ATRNL1: variants seen among roughly 807,000 people sequenced by gnomAD.
The protein encoded by ATRNL1 is attractin-like protein 1.
A neutral mutation model predicts 182.7 loss-of-function variants in ATRNL1; 95 were observed. The observed-to-expected ratio is 0.52, with a 90% CI of 0.44 to 0.62. The LOEUF (loss-of-function observed/expected upper bound fraction) is 0.62, where lower values mean the gene tolerates loss of function less well. Among genes scored for constraint, ATRNL1 ranks in the 20% least tolerant of loss-of-function variants. The pLI is 0.00. For missense variants in ATRNL1, 1,471 were observed against 1,679.5 expected (o/e 0.88, Z 2.17); for synonymous variants, 576 against 568.3 (o/e 1.01, Z -0.19).
At chr10:115,157,689 G>A (rs544202545) in intron 5 of ATRNL1, among the ~76,000 whole-genome samples, 2 of 152,036 alleles carry the variant, frequency 1.3e-5, no homozygotes, top group Non-Finnish European at 2.9e-5. Flanking sequence ...AGCCAATTTA[G>A]ATAATTCACG....
At chr10:115,861,078 G>A (rs1951304936) in intron 28 of ATRNL1, among the ~76,000 whole-genome samples, 1 of 151,914 alleles carries the variant, frequency 6.6e-6, no homozygotes, top group African/African-American at 2.4e-5. Flanking sequence ...GTTTGTTCTG[G>A]TACCCTCTGC....
rs1208582299 is a variant in ATRNL1, at chr10:115,709,390, G to A, written c.3796-17858G>A. On this transcript the variant is annotated intron_variant, in intron 26 of 28. Transcript: ENST00000355044. The stretch of plus-strand genomic sequence containing the variant: ...ATATAGTGAACAAAATATATATTGG[G>A]TGAGCAAAGTTTATGTCAAGTAAAT... 3.9e-5 allele frequency among the ~76,000 whole-genome samples: 6 copies of A among 151,998 alleles called. No homozygotes were observed. The South Asian group carries it at 6.2e-4, about 16-fold the overall frequency.
intron 19 of ATRNL1, among the ~76,000 whole-genome samples, chr10:115,380,527 G>C (rs564208213): frequency 1.3e-5 from 2 of 151,642 alleles, no homozygotes; most frequent in Admixed American, 6.6e-5. Flanking sequence ...TTCCTCCCTT[G>C]TCCCCCAGCC....
intron 8 of ATRNL1, among the ~76,000 whole-genome samples, chr10:115,202,976 G>C (rs550977681): frequency 4.6e-5 from 7 of 151,568 alleles, no homozygotes; most frequent in East Asian, 3.9e-4. Context: ...TGTATGTGTC[G>C]AGGAATTTAT....
At chr10:115,456,672 A>G (rs1565063862) in intron 21 of ATRNL1, among the ~76,000 whole-genome samples, 1 of 152,094 alleles carries the variant, frequency 6.6e-6, no homozygotes, top group African/African-American at 2.4e-5. Flanking sequence ...TATATGTAAT[A>G]CTCTCTAATG....
At position 115,253,223 on chromosome 10, in the gene ATRNL1, G is replaced by A. The variant is rs147553645; in HGVS notation, c.1687+11498G>A. Among the ~76,000 whole-genome samples the A allele has an allele frequency of 8.2e-3, 1,256 of 152,260 alleles. 12 individuals carry two copies. Among genetic ancestry groups the A allele is most frequent in the South Asian group, 0.016 (77 of 4,822 alleles). On this transcript the variant is annotated intron_variant, in intron 10 of 28. Coordinates refer to ENST00000355044, the MANE Select transcript of ATRNL1 (RefSeq NM_207303.4). ...AGGGAGAAGTTGAGTTGTGATGCTC[G>A]ATGGATAACCTTAGTCAACCCTGTA...
At chr10:115,622,462 T>C (rs1857830496) in intron 26 of ATRNL1, among the ~76,000 whole-genome samples, 1 of 152,188 alleles carries the variant, frequency 6.6e-6, no homozygotes, top group Non-Finnish European at 1.5e-5. Context: ...TTTGTAATTG[T>C]TCTGATCATA....
intron 20 of ATRNL1, among the ~76,000 whole-genome samples, chr10:115,400,388 C>T (rs1844509779): frequency 6.6e-6 from 1 of 152,094 alleles, no homozygotes; most frequent in Non-Finnish European, 1.5e-5. Context: ...AGAGTATATG[C>T]CATGCAGTGA....
chr10:115,868,822 C>CTTTTTTTTTTTATTTTTTTTTTTTT, intron 28 of ATRNL1, among the ~76,000 whole-genome samples: 1 of 58,084 alleles, frequency 1.7e-5, no homozygotes, highest in Non-Finnish European at 3.2e-5. Flanking sequence ...AGTCTTTATT[C>CTTTTTTTTTTTATTTTTTTTTTTTT]TTTTTTTTTT....
chr10:115,456,815 C>A (rs920246315), intron 21 of ATRNL1, among the ~76,000 whole-genome samples: 2 of 152,038 alleles, frequency 1.3e-5, no homozygotes, highest in African/African-American at 2.4e-5. Flanking sequence ...ATATACTGAT[C>A]AGTCTCACTT....
At chr10:115,590,301 A>C (rs1321200524) in intron 26 of ATRNL1, among the ~76,000 whole-genome samples, 1 of 152,144 alleles carries the variant, frequency 6.6e-6, no homozygotes, top group Non-Finnish European at 1.5e-5. Context: ...AAGAGGCTTG[A>C]ATCTTTAGTG....
At chr10:115,736,710 C>T (rs1443628593) in intron 27 of ATRNL1, among the ~76,000 whole-genome samples, 1 of 152,180 alleles carries the variant, frequency 6.6e-6, no homozygotes, top group South Asian at 2.1e-4. Context: ...ATTCTGTAGT[C>T]ACTTCTTCCA....
chr10:115,735,708 G>A (rs1156894429), intron 27 of ATRNL1, among the ~76,000 whole-genome samples: 1 of 152,158 alleles, frequency 6.6e-6, no homozygotes, highest in African/African-American at 2.4e-5. Flanking sequence ...AGTGATGAAT[G>A]GGCAAGTAAT....
intron 19 of ATRNL1, among the ~76,000 whole-genome samples, chr10:115,366,008 G>C (rs1857018016): frequency 6.6e-6 from 1 of 152,104 alleles, no homozygotes; most frequent in Non-Finnish European, 1.5e-5. Flanking sequence ...ATTTGGGGTG[G>C]AGAGTTCTGT....
intron 24 of ATRNL1, among the ~76,000 whole-genome samples, chr10:115,514,711 T>A (rs1160268434): frequency 2.0e-5 from 3 of 152,038 alleles, no homozygotes; most frequent in East Asian, 1.9e-4. Context: ...GCCAAATCCT[T>A]TATATGTTAA....
intron 19 of ATRNL1, among the ~76,000 whole-genome samples, chr10:115,343,490 C>A (rs1855840180): frequency 6.6e-6 from 1 of 152,116 alleles, no homozygotes; most frequent in South Asian, 2.1e-4. Flanking sequence ...TTATTTCAGT[C>A]TCTTTGTTAC....
intron 5 of ATRNL1, among the ~76,000 whole-genome samples, chr10:115,158,399 T>C (rs1328134666): frequency 6.6e-6 from 1 of 152,028 alleles, no homozygotes; most frequent in Non-Finnish European, 1.5e-5. Context: ...ATGGCTGTGT[T>C]TTAATAAAAC....
chr10:115,763,435 A>G (rs1275024588), intron 27 of ATRNL1, among the ~76,000 whole-genome samples: 3 of 152,208 alleles, frequency 2.0e-5, no homozygotes, highest in Non-Finnish European at 2.9e-5. Flanking sequence ...AATTATTTCA[A>G]TGAGAGGGCA....
chr10:115,727,104 ATCT>A (rs1947622753), intron 26 of ATRNL1, 141 bp from the exon 27 acceptor site: 3 of 616,826 alleles, frequency 4.9e-6, no homozygotes, highest in Non-Finnish European at 8.6e-6. Context: ...AGTAATTTTC[ATCT>A]TTAGTATTCT....
Sources: gnomAD v4.1 joint callset for allele counts (sites outside exome capture counted in the v4.1 genomes callset) on GRCh38, gnomAD v4.1.1 for gene constraint, MANE v1.5 for transcripts, NCBI Gene and HGNC (gene_info 2026-07-23, HGNC 2026-07-21) for gene names.